The following RAB36 variants were observed in gnomAD, a reference collection of about 807,000 sequenced individuals.
RAB36 encodes the protein ras-related protein Rab-36.
Under a neutral mutation model 39.3 loss-of-function variants are expected in RAB36, and 33 were observed. The ratio of observed to expected loss-of-function variants is 0.84; its 90% CI spans 0.64 to 1.12. The LOEUF is 1.12. Ranked by LOEUF, RAB36 falls within the 50% of genes most tolerant of loss-of-function variation. RAB36 has a pLI of 0.00. For synonymous variants in RAB36, 133 were observed against 140.2 expected, an observed-to-expected ratio of 0.95 and a Z score of 0.36; for missense variants, 308 against 355.3, an observed-to-expected ratio of 0.87 and a Z score of 1.07.
Position 23,162,834 on chromosome 22 carries a change from A to G in RAB36, c.*1270A>G, listed in dbSNP as rs181313645. On this transcript the variant is annotated 3_prime_UTR_variant, in exon 11 of 11. Transcript: ENST00000263116. ...ATGTTCAGCTCAGCGATTGCCAAAT[A>G]CCAGTTAGGGAAGAACACTGGCATC... The G allele has an allele frequency of 1.4e-5, 6 of 437,548 alleles. No individual in the cohort carries two copies. The highest frequency in any genetic ancestry group is 1.2e-4 in the African/African-American group (6 of 49,734). The allele number at this position is 437,548 out of a possible 1,614,324, so 27.1% of individuals were successfully genotyped here. A position where few individuals can be genotyped will look rare whatever the true frequency, so the allele number is the denominator to read the frequency against.
chr22:23,153,135 G>T lies in RAB36; in HGVS notation c.329+1G>T. 5 of 1,612,748 alleles carry T rather than the reference G, an allele frequency of 3.1e-6. No homozygotes were observed. The highest frequency in any genetic ancestry group is 4.2e-6 in the Non-Finnish European group (5 of 1,178,798). On this transcript the variant is annotated splice_donor_variant, in intron 5 of 10. Transcript: ENST00000263116. LOFTEE classifies it high-confidence loss of function. ...CTGGGATTCCCTATAGCCTCCAGAT[G>T]TAAGTTGCTGGTTCCCCCATGGCTC... is the stretch of plus-strand genomic sequence containing the variant.
downstream of RAB36, among the ~76,000 whole-genome samples, chr22:23,165,721 T>G (rs1305020538): frequency 2.0e-5 from 3 of 152,240 alleles, no homozygotes; most frequent in African/African-American, 7.2e-5. Flanking sequence ...GCCACTAGGA[T>G]GACTCTCCCA....
chr22:23,149,990 C>A, intron 2 of RAB36, 73 bp from the exon 3 acceptor site: 1 of 1,200,764 alleles, frequency 8.3e-7, no homozygotes, highest in African/African-American at 1.5e-5. Flanking sequence ...GATCATCTCC[C>A]CTCACTGCTT....
intron 2 of RAB36, among the ~76,000 whole-genome samples, 166 bp downstream of exon 2, chr22:23,146,851 G>T (rs1262569213): frequency 6.6e-6 from 1 of 152,184 alleles, no homozygotes; most frequent in African/African-American, 2.4e-5. Context: ...CCCAAGGTGG[G>T]ACCGCAAGTT....
intron 9 of RAB36, among the ~76,000 whole-genome samples, chr22:23,159,568 C>T (rs942066141): frequency 6.6e-6 from 1 of 152,248 alleles, no homozygotes; most frequent in African/African-American, 2.4e-5. Flanking sequence ...ATAACTACCC[C>T]ATAACTACTC....
In RAB36 at chr22:23,156,011, G is replaced by C. The variant is rs764745536; in HGVS notation, c.373G>C (p.Ala125Pro). 2.4e-5 allele frequency: 38 copies of C among 1,612,662 alleles called. No homozygotes were observed. The highest frequency in any genetic ancestry group is 3.1e-5 in the Non-Finnish European group (37 of 1,179,370). ...GGAGAAGTTCAAGTGCATCGCATCT[G>C]CCTACTACCGGGGTGCCCAGGGTGA... ...GQEKFKCIAS[A>P]YYRGAQVIIT... The change falls in exon 6 of 11, where the codon GCC becomes CCC. Residue 125 changes from alanine (A) to proline (P), a missense_variant. Physicochemically the swap from Ala to Pro is conservative, Grantham distance 27. Transcript: ENST00000263116.
At position 23,151,107 on chromosome 22, in the gene RAB36, G is replaced by A. The variant is rs139223121; in HGVS notation, c.161+953G>A. On this transcript the variant is annotated intron_variant, in intron 3 of 10. Coordinates refer to ENST00000263116, the MANE Select transcript of RAB36 (RefSeq NM_004914.5). ...GGCTGAGCTCACAGGGGTCACAGAG[G>A]TGCGATGAGGCTGCCAGAGAGCGCA... Among the ~76,000 whole-genome samples, 512 of 152,356 alleles carry A rather than the reference G, an allele frequency of 3.4e-3. 4 individuals carry two copies. Among genetic ancestry groups the A allele is most frequent in the Non-Finnish European group, 5.3e-3 (358 of 68,030 alleles).
At chr22:23,153,700 T>TTC (rs2071295712) in intron 5 of RAB36, 1 of 932,256 alleles carries the variant, frequency 1.1e-6, no homozygotes, top group South Asian at 5.0e-5. Context: ...GTCTTTTTTT[T>TTC]TTTTTTTTTT....
Position 23,161,897 on chromosome 22 carries a change from A to T in RAB36, c.*333A>T. ...GCCTCAAGAGGCCTCAGAACTGCAA[A>T]CTCCTGCGTCGGTCTATACTACTCG... is the stretch of plus-strand genomic sequence containing the variant. On this transcript the variant is annotated 3_prime_UTR_variant, in exon 11 of 11. Transcript: ENST00000263116. 3.2e-6 allele frequency: 1 copy of T among 311,688 alleles called. No homozygotes were observed. The highest frequency in any genetic ancestry group is 6.1e-6 in the Non-Finnish European group (1 of 165,000). 19.3% of individuals were successfully genotyped at this position (311,688 alleles called of 1,614,324 possible).
chr22:23,149,651 C>T (rs1324129499), intron 2 of RAB36, among the ~76,000 whole-genome samples: 1 of 152,226 alleles, frequency 6.6e-6, no homozygotes, highest in Non-Finnish European at 1.5e-5. Flanking sequence ...AATCCTTCCA[C>T]CTCAGCCTCC....
intron 1 of RAB36, chr22:23,145,978 T>G (rs2070749545): frequency 1.0e-6 from 1 of 985,254 alleles, no homozygotes; most frequent in Non-Finnish European, 1.2e-6. Context: ...AGGAGACCCC[T>G]CCCCACTCTA....
At chr22:23,159,750 C>A (rs946469259) in intron 9 of RAB36, among the ~76,000 whole-genome samples, 14 of 152,196 alleles carry the variant, frequency 9.2e-5, no homozygotes, top group Non-Finnish European at 1.5e-5. Flanking sequence ...GACAGGGGCT[C>A]CCATCCCTTC....
chr22:23,161,113 G>C, intron 10 of RAB36, 115 bp downstream of exon 10: 1 of 1,309,772 alleles, frequency 7.6e-7, no homozygotes, highest in Non-Finnish European at 1.0e-6. Flanking sequence ...GCCCTCTCCT[G>C]TCCTTTGACC....
At chr22:23,152,756 C>G (rs956255879) in intron 4 of RAB36, among the ~76,000 whole-genome samples, 9 of 152,314 alleles carry the variant, frequency 5.9e-5, no homozygotes, top group African/African-American at 2.2e-4. Flanking sequence ...CAGACTGTCC[C>G]CCTGGGGCCA....
chr22:23,160,082 C>T (rs1353483419), intron 9 of RAB36, among the ~76,000 whole-genome samples: 1 of 152,138 alleles, frequency 6.6e-6, no homozygotes, highest in Non-Finnish European at 1.5e-5. Flanking sequence ...TCTGGGGACT[C>T]AGGAATTGGG....
intron 10 of RAB36, 146 bp from the exon 11 acceptor site, chr22:23,161,354 C>A: frequency 1.2e-6 from 1 of 800,648 alleles, no homozygotes. Context: ...AAGGCCCTCT[C>A]TTGGCTTGTG....
At chr22:23,147,126 G>T (rs1174089932) in intron 2 of RAB36, among the ~76,000 whole-genome samples, 2 of 152,134 alleles carry the variant, frequency 1.3e-5, no homozygotes, top group Non-Finnish European at 2.9e-5. Flanking sequence ...CAGCATTCCA[G>T]TTCCATGACC....
At chr22:23,157,531 T>C (rs916031461) in intron 6 of RAB36, among the ~76,000 whole-genome samples, 2 of 152,154 alleles carry the variant, frequency 1.3e-5, no homozygotes, top group Admixed American at 1.3e-4. Flanking sequence ...AGTGCTGGAA[T>C]TACAGGCATG....
In RAB36 at chr22:23,161,658, C is replaced by T. The variant is rs188210741; in HGVS notation, c.*94C>T. 2.9e-4 allele frequency: 332 copies of T among 1,137,210 alleles called. No homozygotes were observed. The highest frequency in any genetic ancestry group is 3.0e-4 in the Admixed American group (14 of 47,360). 70.4% of individuals were successfully genotyped at this position (1,137,210 alleles called of 1,614,324 possible). On this transcript the variant is annotated 3_prime_UTR_variant, in exon 11 of 11. Coordinates refer to ENST00000263116, the MANE Select transcript of RAB36 (RefSeq NM_004914.5). ...GGAGACTGGAGCCCAAGCTCTGCAG[C>T]GTGTCGCCCTCAAGCTGTAGGCCCA...
Sources: allele counts gnomAD v4.1 joint callset (sites outside exome capture counted in the v4.1 genomes callset), GRCh38; gene constraint gnomAD v4.1.1; transcripts MANE v1.5; gene names NCBI Gene and HGNC (gene_info 2026-07-23, HGNC 2026-07-21).